FAM178B: variants seen among roughly 807,000 people sequenced by gnomAD.
FAM178B encodes family with sequence similarity 178 member B.
In FAM178B, 82 loss-of-function variants were observed where a neutral mutation model predicts 91.7. The observed-to-expected ratio is 0.89, with a 90% CI of 0.75 to 1.07. The LOEUF (loss-of-function observed/expected upper bound fraction) is 1.07. FAM178B is among the 50% of genes least tolerant of loss of function. FAM178B has a pLI of 0.00. For missense variants in FAM178B, 769 were observed against 846.7 expected (o/e 0.91, Z 1.14); for synonymous variants, 368 against 359.4 (o/e 1.02, Z -0.27).
intron 8 of FAM178B, among the ~76,000 whole-genome samples, chr2:96,938,612 C>T (rs1283487825): frequency 1.3e-5 from 2 of 152,210 alleles, no homozygotes; most frequent in African/African-American, 4.8e-5. Flanking sequence ...GAGACCCACC[C>T]ACTCATTCAA....
chr2:96,956,364 G>A (rs949604376), intron 6 of FAM178B, among the ~76,000 whole-genome samples: 4 of 152,218 alleles, frequency 2.6e-5, no homozygotes, highest in African/African-American at 9.6e-5. Context: ...TGGACCACAT[G>A]CACTCCCAAG....
At chr2:96,966,242 A>G (rs1167983005) in intron 5 of FAM178B, among the ~76,000 whole-genome samples, 1 of 151,578 alleles carries the variant, frequency 6.6e-6, no homozygotes, top group Admixed American at 6.6e-5. Context: ...TGCTTAGAAG[A>G]CCTGCTCACA....
At chr2:96,944,327 C>G (rs1020546819) in intron 8 of FAM178B, among the ~76,000 whole-genome samples, 9 of 151,118 alleles carry the variant, frequency 6.0e-5, no homozygotes, top group Non-Finnish European at 8.8e-5. Context: ...GCTGGAAATT[C>G]TTCAGACATA....
intron 12 of FAM178B, among the ~76,000 whole-genome samples, chr2:96,918,068 T>C (rs1006807663): frequency 1.3e-5 from 2 of 149,896 alleles, no homozygotes; most frequent in African/African-American, 2.5e-5. Context: ...GTCTTCCACA[T>C]GGAAAGATTA....
chr2:96,884,980 A>G (rs1192663948), intron 14 of FAM178B, among the ~76,000 whole-genome samples: 2 of 152,260 alleles, frequency 1.3e-5, no homozygotes, highest in African/African-American at 2.4e-5. Context: ...CTAGGGTCCC[A>G]GAAGACACAG....
intron 7 of FAM178B, 112 bp from the exon 8 acceptor site, chr2:96,948,014 A>AT (rs1206795108): frequency 1.6e-6 from 1 of 633,704 alleles, no homozygotes; most frequent in African/African-American, 1.9e-5. Context: ...TTTAATTCTC[A>AT]TAAGTCTGTG....
chr2:96,922,091 T>C (rs1345075062), intron 10 of FAM178B, among the ~76,000 whole-genome samples: 2 of 152,142 alleles, frequency 1.3e-5, no homozygotes, highest in African/African-American at 4.8e-5. Flanking sequence ...CACTGCTTAT[T>C]ATATGCTAAT....
At chr2:96,937,791 C>A (rs1375572965) in intron 8 of FAM178B, among the ~76,000 whole-genome samples, 1 of 152,128 alleles carries the variant, frequency 6.6e-6, no homozygotes, top group African/African-American at 2.4e-5. Context: ...GTTGGGAGGC[C>A]CAGGCAGGCA....
chr2:96,974,886 T>A (rs1171533258), intron 1 of FAM178B, among the ~76,000 whole-genome samples: 1 of 151,430 alleles, frequency 6.6e-6, no homozygotes, highest in Non-Finnish European at 1.5e-5. Context: ...AGGTCAAGAG[T>A]TCGAGACCAG....
chr2:96,890,045 G>A (rs2080633239), intron 14 of FAM178B, among the ~76,000 whole-genome samples: 1 of 152,048 alleles, frequency 6.6e-6, no homozygotes, highest in African/African-American at 2.4e-5. Context: ...GGAGGCCGAG[G>A]TGGGCAGATC....
intron 1 of FAM178B, chr2:96,977,950 C>CGGGGGGGGGGGGGGGG: frequency 4.4e-6 from 1 of 229,318 alleles, no homozygotes. Context: ...GTGGGGCGGG[C>CGGGGGGGGGGGGGGGG]GGGGGAGGGG....
intron 1 of FAM178B, among the ~76,000 whole-genome samples, chr2:96,977,366 C>A: frequency 8.5e-6 from 1 of 117,154 alleles, no homozygotes; most frequent in African/African-American, 3.4e-5. Context: ...GCCTGGGCGA[C>A]AGAGCGAGAC....
chr2:96,915,813 A>G (rs2081232337), intron 12 of FAM178B, among the ~76,000 whole-genome samples: 1 of 151,868 alleles, frequency 6.6e-6, no homozygotes, highest in Non-Finnish European at 1.5e-5. Context: ...GGGAAAAAAA[A>G]AAAAAGAAAA....
At chr2:96,957,332 G>A (rs2082013359) in intron 6 of FAM178B, among the ~76,000 whole-genome samples, 1 of 152,240 alleles carries the variant, frequency 6.6e-6, no homozygotes, top group Non-Finnish European at 1.5e-5. Context: ...CCTCCAGGAA[G>A]TGGGCCTCGC....
chr2:96,911,358 C>A (rs1162058753), intron 12 of FAM178B, among the ~76,000 whole-genome samples: 2 of 152,196 alleles, frequency 1.3e-5, no homozygotes, highest in African/African-American at 4.8e-5. Flanking sequence ...TGGGAAGAGG[C>A]CTCTCCAGGA....
At chr2:96,966,672 A>T (rs1367210025) in intron 5 of FAM178B, among the ~76,000 whole-genome samples, 1 of 152,108 alleles carries the variant, frequency 6.6e-6, no homozygotes, top group Non-Finnish European at 1.5e-5. Flanking sequence ...TCCCCCCAAA[A>T]TATATGTGTT....
At chr2:96,943,743 T>C (rs1321370189) in intron 8 of FAM178B, among the ~76,000 whole-genome samples, 1 of 145,972 alleles carries the variant, frequency 6.9e-6, no homozygotes, top group African/African-American at 2.8e-5. Flanking sequence ...TTTCCTCCTC[T>C]GCTCCCTTCA....
chr2:96,905,816 GTGTATATATATATA>G lies in FAM178B; in HGVS notation c.1563-3123_1563-3110del, dbSNP rs1435871647. Among the ~76,000 whole-genome samples, 96 of 36,742 alleles carry G rather than the reference GTGTATATATATATA, an allele frequency of 2.6e-3. 3 individuals carry two copies. The highest frequency in any genetic ancestry group is 0.02 in the Admixed American group (42 of 2,068). 24.1% of individuals were successfully genotyped at this position (36,742 alleles called of 152,430 possible). A position where few individuals can be genotyped will look rare whatever the true frequency, so the allele number is the denominator to read the frequency against. ...TATACACAAAAATATACATATATGT[GTGTATATATATATA>G]TATATATATATATATATATATATAT... On this transcript the variant is annotated intron_variant, in intron 12 of 16. Transcript: ENST00000490605.
chr2:96,920,387 G>C (rs1395134022), intron 12 of FAM178B, among the ~76,000 whole-genome samples: 1 of 152,154 alleles, frequency 6.6e-6, no homozygotes, highest in Non-Finnish European at 1.5e-5. Context: ...ACATCACGAG[G>C]TCAGGAGATT....
Sources: gnomAD v4.1 joint callset for allele counts (sites outside exome capture counted in the v4.1 genomes callset) on GRCh38, gnomAD v4.1.1 for gene constraint, MANE v1.5 for transcripts, NCBI Gene and HGNC (gene_info 2026-07-23, HGNC 2026-07-21) for gene names.